WLS: variants seen among roughly 807,000 people sequenced by gnomAD.
WLS encodes Wnt ligand secretion mediator.
In WLS, 23 loss-of-function variants were observed where a neutral mutation model predicts 62.8. The observed-to-expected ratio is 0.37, with a 90% CI of 0.26 to 0.52. The LOEUF (loss-of-function observed/expected upper bound fraction) is 0.52. Ranked by LOEUF, WLS falls within the 20% of genes least tolerant of loss-of-function variation. The pLI is 0.92. For synonymous variants in WLS, 246 were observed against 244.1 expected, an observed-to-expected ratio of 1.01 and a Z score of -0.07; for missense variants, 615 against 697.3, an observed-to-expected ratio of 0.88 and a Z score of 1.33.
rs1159065969 is a variant in WLS, at chr1:68,193,489, G to GCATTTC, written c.379+460_379+465dup. The stretch of plus-strand genomic sequence containing the variant: ...TGGGGAAATGGGTGCTCATGGGTTG[G>GCATTTC]CATTTCCATTTTGGTAGGCATCTTT... On this transcript the variant is annotated intron_variant, in intron 2 of 11. Transcript: ENST00000262348. Among the ~76,000 whole-genome samples the GCATTTC allele has an allele frequency of 2.2e-5, 3 of 139,258 alleles. No homozygotes were observed. In the South Asian group the frequency reaches 7.1e-4, roughly 33 times the overall value. 91.4% of individuals were successfully genotyped at this position (139,258 alleles called of 152,430 possible).
chr1:68,153,467 G>A (rs746711621), intron 5 of WLS, 50 bp downstream of exon 5: 1 of 1,610,522 alleles, frequency 6.2e-7, no homozygotes, highest in Non-Finnish European at 8.5e-7. Flanking sequence ...GAGCTTGGCA[G>A]ATCATGAGAA....
At chr1:68,178,846 A>G (rs909547946) in intron 2 of WLS, among the ~76,000 whole-genome samples, 1 of 152,226 alleles carries the variant, frequency 6.6e-6, no homozygotes, top group Admixed American at 6.5e-5. Flanking sequence ...ACAAGTCCCA[A>G]TAATGCCTAT....
chr1:68,139,972 T>C (rs1358421621), intron 10 of WLS, among the ~76,000 whole-genome samples: 1 of 152,270 alleles, frequency 6.6e-6, no homozygotes, highest in Non-Finnish European at 1.5e-5. Context: ...TTGCTTTCCG[T>C]TATACTTATT....
chr1:68,118,118 G>A (rs903911732), intron 11 of WLS, among the ~76,000 whole-genome samples: 3 of 152,016 alleles, frequency 2.0e-5, no homozygotes, highest in Admixed American at 1.3e-4. Flanking sequence ...TCTATATCCT[G>A]GTAAACATCC....
Position 68,159,164 on chromosome 1 carries a change from T to C in WLS, c.463A>G (p.Arg155Gly), listed in dbSNP as rs749359444. ...FAEWTEMAHE[R>G]VPRKLKCTFT... ...GTGCATTTGAGTTTCCGTGGTACTC[T>C]TTCATGGGCCATTTCAGTCCACTCA... The change falls in exon 3 of 12, where the codon AGA becomes GGA. Residue 155 changes from arginine (R) to glycine (G), a missense_variant. By Grantham distance (125) the Arg-to-Gly change is moderately radical. Transcript: ENST00000262348. The C allele has an allele frequency of 1.9e-6, 3 of 1,614,170 alleles. No individual in the cohort carries two copies. Among genetic ancestry groups the C allele is most frequent in the South Asian group, 1.1e-5 (1 of 91,086 alleles).
intron 2 of WLS, among the ~76,000 whole-genome samples, chr1:68,167,212 C>T (rs1232353150): frequency 6.6e-6 from 1 of 152,196 alleles, no homozygotes; most frequent in East Asian, 1.9e-4. Context: ...GGAAGTGAAA[C>T]TCTTATCCTT....
At chr1:68,153,441 A>G (rs1646853639) in intron 5 of WLS, 76 bp downstream of exon 5, 27 of 1,590,692 alleles carry the variant, frequency 1.7e-5, no homozygotes, top group Admixed American at 1.7e-4. Context: ...CTTGAACTGG[A>G]CACCAGCAAA....
In WLS at chr1:68,148,280, T is replaced by A. The variant is rs1297705193; in HGVS notation, c.1071-81A>T. On this transcript the variant is annotated intron_variant, in intron 7 of 11. Transcript: ENST00000262348. ...ACTTTCCTTTTCACATATTCTTAGC[T>A]TTTCAGCTGCAGGGGTGAGGGCTGT... The A allele has an allele frequency of 2.8e-6, 4 of 1,454,018 alleles. No homozygotes were observed. In the East Asian group the frequency reaches 9.1e-5, roughly 33 times the overall value. The allele number at this position is 1,454,018 out of a possible 1,614,324, so 90.1% of individuals were successfully genotyped here.
chr1:68,223,653 A>C (rs1257769345), intron 1 of WLS, among the ~76,000 whole-genome samples: 1 of 152,204 alleles, frequency 6.6e-6, no homozygotes, highest in South Asian at 2.1e-4. Context: ...AACAAGTGTC[A>C]AGTCCTCAAG....
intron 1 of WLS, among the ~76,000 whole-genome samples, chr1:68,219,482 A>G (rs1361461296): frequency 6.6e-6 from 1 of 152,188 alleles, no homozygotes; most frequent in African/African-American, 2.4e-5. Context: ...AATAATAAAA[A>G]CCCTCCTCCC....
chr1:68,128,726 C>T (rs1158071959), intron 11 of WLS, among the ~76,000 whole-genome samples: 1 of 152,180 alleles, frequency 6.6e-6, no homozygotes, highest in African/African-American at 2.4e-5. Flanking sequence ...TAATGCTTAA[C>T]ACGTGCCTGA....
chr1:68,124,377 T>C (rs1001503137), downstream of WLS, among the ~76,000 whole-genome samples: 1 of 152,220 alleles, frequency 6.6e-6, no homozygotes, highest in African/African-American at 2.4e-5. Flanking sequence ...TCCATTCCTA[T>C]GTGCCAGCCA....
intron 11 of WLS, among the ~76,000 whole-genome samples, chr1:68,108,077 T>C (rs1228816143): frequency 6.6e-6 from 1 of 152,168 alleles, no homozygotes; most frequent in African/African-American, 2.4e-5. Context: ...ACAATCTTTA[T>C]ATGTATACAA....
At chr1:68,213,279 C>T (rs1406947708) in intron 1 of WLS, among the ~76,000 whole-genome samples, 3 of 151,722 alleles carry the variant, frequency 2.0e-5, no homozygotes, top group Admixed American at 6.6e-5. Flanking sequence ...GGTGAAACCC[C>T]GTCTCTACTA....
intron 2 of WLS, among the ~76,000 whole-genome samples, chr1:68,165,509 G>A (rs1193680578): frequency 1.3e-5 from 2 of 152,070 alleles, no homozygotes; most frequent in African/African-American, 4.8e-5. Flanking sequence ...TTCCAGGTCT[G>A]GCTTCCCAAG....
At chr1:68,191,605 T>C (rs11209230) in intron 2 of WLS, among the ~76,000 whole-genome samples, 6 of 152,092 alleles carry the variant, frequency 3.9e-5, no homozygotes, top group African/African-American at 7.3e-5. Flanking sequence ...TGATCTTATA[T>C]CCCCAGTACT....
intron 1 of WLS, among the ~76,000 whole-genome samples, chr1:68,225,423 T>C (rs2100668182): frequency 6.6e-6 from 1 of 152,200 alleles, no homozygotes; most frequent in South Asian, 2.1e-4. Context: ...GCTGGCACAT[T>C]TATTAGGCCA....
At chr1:68,135,561 C>T (rs1393353646) in intron 11 of WLS, among the ~76,000 whole-genome samples, 1 of 152,100 alleles carries the variant, frequency 6.6e-6, no homozygotes, top group Non-Finnish European at 1.5e-5. Flanking sequence ...TAAAAACAAC[C>T]AAAAGAATTT....
At chr1:68,135,967 G>T (rs1306191638) in intron 11 of WLS, among the ~76,000 whole-genome samples, 1 of 152,184 alleles carries the variant, frequency 6.6e-6, no homozygotes, top group Non-Finnish European at 1.5e-5. Context: ...AGTTGGGCAG[G>T]GGGTAGGTAA....
Sources: gnomAD v4.1 joint callset for allele counts (sites outside exome capture counted in the v4.1 genomes callset) on GRCh38, gnomAD v4.1.1 for gene constraint, MANE v1.5 for transcripts, NCBI Gene and HGNC (gene_info 2026-07-23, HGNC 2026-07-21) for gene names.